The following ARB2A variants were observed in gnomAD, a reference collection of about 807,000 sequenced individuals.
The protein encoded by ARB2A is ARB2 cotranscriptional regulator A.
chr5:93,827,317 G>C, the ARB2A span, among the ~76,000 whole-genome samples: 2 of 152,168 alleles, frequency 1.3e-5, no homozygotes, highest in Admixed American at 1.3e-4. Context: ...ATCTCATTGA[G>C]GTTTTGATCT....
At chr5:94,011,551 A>G in the ARB2A span, among the ~76,000 whole-genome samples, 1 of 152,200 alleles carries the variant, frequency 6.6e-6, no homozygotes. Context: ...CAAAGGAAAG[A>G]AGCCTGGACT....
the ARB2A span, chr5:94,055,881 T>G: frequency 3.0e-6 from 3 of 985,458 alleles, no homozygotes; most frequent in African/African-American, 5.2e-5. Flanking sequence ...CTAACAGCTC[T>G]TTTCTGTATC....
At chr5:93,800,415 A>ACG in the ARB2A span, among the ~76,000 whole-genome samples, 1 of 150,862 alleles carries the variant, frequency 6.6e-6, no homozygotes, top group African/African-American at 2.4e-5. Flanking sequence ...ACACACACAC[A>ACG]CACACACACG....
At chr5:93,680,220 A>T in the ARB2A span, among the ~76,000 whole-genome samples, 1 of 152,156 alleles carries the variant, frequency 6.6e-6, no homozygotes, top group Non-Finnish European at 1.5e-5. Context: ...TTTAAGTATA[A>T]ATATAAAGAA....
At chr5:93,854,898 T>C in the ARB2A span, among the ~76,000 whole-genome samples, 4 of 152,200 alleles carry the variant, frequency 2.6e-5, no homozygotes, top group East Asian at 7.7e-4. Context: ...AATTTTGGAA[T>C]AGGCATGCTG....
the ARB2A span, among the ~76,000 whole-genome samples, chr5:93,650,845 A>G: frequency 1.3e-5 from 2 of 151,472 alleles, no homozygotes; most frequent in Admixed American, 1.3e-4. Flanking sequence ...AAAAAAAATT[A>G]TCCAGGCATG....
the ARB2A span, among the ~76,000 whole-genome samples, chr5:93,650,249 A>G: frequency 6.6e-6 from 1 of 152,178 alleles, no homozygotes; most frequent in South Asian, 2.1e-4. Context: ...ACTATTCTAT[A>G]CATGTTCAAC....
the ARB2A span, among the ~76,000 whole-genome samples, chr5:93,763,224 A>T: frequency 6.6e-6 from 1 of 152,212 alleles, no homozygotes; most frequent in Non-Finnish European, 1.5e-5. Context: ...AATGGGCTAA[A>T]TGCTCCAATT....
chr5:94,081,656 G>C, the ARB2A span, among the ~76,000 whole-genome samples: 1 of 152,088 alleles, frequency 6.6e-6, no homozygotes, highest in East Asian at 1.9e-4. Flanking sequence ...TAAATCCATA[G>C]AAATAGGAAG....
chr5:93,852,359 T>C, the ARB2A span, among the ~76,000 whole-genome samples: 1 of 152,190 alleles, frequency 6.6e-6, no homozygotes, highest in Admixed American at 6.5e-5. Flanking sequence ...TATTAGCCCT[T>C]TGTCAGATGA....
At chr5:93,979,645 T>C in the ARB2A span, among the ~76,000 whole-genome samples, 1 of 152,090 alleles carries the variant, frequency 6.6e-6, no homozygotes, top group African/African-American at 2.4e-5. Flanking sequence ...GACGAATGTC[T>C]TATATATCAC....
the ARB2A span, among the ~76,000 whole-genome samples, chr5:93,803,639 A>ATC: frequency 6.6e-6 from 1 of 151,490 alleles, no homozygotes; most frequent in Non-Finnish European, 1.5e-5. Flanking sequence ...TGATGAAATC[A>ATC]TCTGTATAAC....
chr5:94,014,732 G>A, the ARB2A span, among the ~76,000 whole-genome samples: 83 of 151,650 alleles, frequency 5.5e-4, no homozygotes, highest in Middle Eastern at 3.4e-3. Context: ...ATCTTGGAAC[G>A]GAGAAATACA....
At chr5:93,822,701 T>C in the ARB2A span, among the ~76,000 whole-genome samples, 1 of 151,878 alleles carries the variant, frequency 6.6e-6, no homozygotes, top group Admixed American at 6.6e-5. Flanking sequence ...AAAACAACAT[T>C]CATATTTTAA....
chr5:93,969,321 GTAC>G, the ARB2A span, among the ~76,000 whole-genome samples: 2 of 152,012 alleles, frequency 1.3e-5, no homozygotes, highest in East Asian at 3.8e-4. Flanking sequence ...TAAGGTACTT[GTAC>G]TACACATGAA....
At chr5:94,097,221 C>T in the ARB2A span, among the ~76,000 whole-genome samples, 8 of 152,214 alleles carry the variant, frequency 5.3e-5, no homozygotes, top group African/African-American at 1.9e-4. Context: ...TGAGCATTCC[C>T]ACCCCGTCTG....
At chr5:94,085,847 T>A in the ARB2A span, among the ~76,000 whole-genome samples, 1 of 152,180 alleles carries the variant, frequency 6.6e-6, no homozygotes, top group South Asian at 2.1e-4. Context: ...TAGATGAATT[T>A]TCCAAAAATA....
chr5:93,964,403 T>G, the ARB2A span: 2 of 1,297,380 alleles, frequency 1.5e-6, no homozygotes, highest in Non-Finnish European at 2.1e-6. Context: ...AAAACTATTT[T>G]ACTTGGAAAT....
the ARB2A span, among the ~76,000 whole-genome samples, chr5:93,767,779 G>A: frequency 2.2e-4 from 33 of 151,774 alleles, 1 homozygote; most frequent in Non-Finnish European, 1.5e-5. Flanking sequence ...TGGATCACGA[G>A]GTCAGGAGAT....
Sources: allele counts gnomAD v4.1 joint callset (sites outside exome capture counted in the v4.1 genomes callset), GRCh38; gene constraint gnomAD v4.1.1; transcripts MANE v1.5; gene names NCBI Gene and HGNC (gene_info 2026-07-23, HGNC 2026-07-21).